CLEC4C: variants seen among roughly 807,000 people sequenced by gnomAD.
CLEC4C encodes the protein C-type lectin domain family 4 member C, also known as C-type (calcium dependent, carbohydrate-recognition domain) lectin, superfamily member 11.
A neutral mutation model predicts 27.7 loss-of-function variants in CLEC4C; 17 were observed. The observed-to-expected ratio is 0.61, with a 90% CI of 0.42 to 0.92. The LOEUF is 0.92. Ranked by LOEUF, CLEC4C falls within the 40% of genes least tolerant of loss-of-function variation. CLEC4C has a pLI of 0.00. For missense variants in CLEC4C, 244 were observed against 257.3 expected (o/e 0.95, Z 0.35); for synonymous variants, 80 against 80.8 (o/e 0.99, Z 0.06).
intron 4 of CLEC4C, among the ~76,000 whole-genome samples, chr12:7,736,736 A>C (rs375460741): frequency 1.4e-4 from 21 of 151,688 alleles, no homozygotes; most frequent in African/African-American, 4.1e-4. Context: ...GTGAAACCCC[A>C]TCTCTACTAA....
intron 4 of CLEC4C, among the ~76,000 whole-genome samples, chr12:7,735,148 C>T (rs1354819017): frequency 6.6e-6 from 1 of 151,568 alleles, no homozygotes; most frequent in East Asian, 2.0e-4. Context: ...TTGCAGTGAG[C>T]CGAGATCACA....
At position 7,729,499 on chromosome 12, in the gene CLEC4C, T is replaced by C; in HGVS notation, c.*97A>G. The C allele has an allele frequency of 8.9e-7, 1 of 1,118,394 alleles. No individual in the cohort carries two copies. Among genetic ancestry groups the C allele is most frequent in the Non-Finnish European group, 1.3e-6 (1 of 772,202 alleles). The allele number at this position is 1,118,394 out of a possible 1,614,324, so 69.3% of individuals were successfully genotyped here. A position where few individuals can be genotyped will look rare whatever the true frequency, so the allele number is the denominator to read the frequency against. ...AGCCTGCTGAAACATTTTAGGGGCA[T>C]TCCTTGTACAAAACTTACACATAAA... On this transcript the variant is annotated 3_prime_UTR_variant, in exon 6 of 6. Coordinates refer to ENST00000360345, the MANE Select transcript of CLEC4C (RefSeq NM_001371390.1).
intron 4 of CLEC4C, among the ~76,000 whole-genome samples, chr12:7,736,262 G>A (rs570160861): frequency 1.5e-4 from 23 of 151,240 alleles, no homozygotes; most frequent in Non-Finnish European, 2.5e-4. Context: ...CAGCCTGGGC[G>A]CCATTGCACT....
At chr12:7,741,970 G>A (rs953900504) in intron 2 of CLEC4C, among the ~76,000 whole-genome samples, 9 of 152,054 alleles carry the variant, frequency 5.9e-5, no homozygotes, top group Non-Finnish European at 1.0e-4. Flanking sequence ...GCAGTGAGCC[G>A]AGACCGCGCC....
upstream of CLEC4C, among the ~76,000 whole-genome samples, chr12:7,748,923 T>G (rs1011747441): frequency 2.6e-5 from 4 of 152,234 alleles, no homozygotes; most frequent in African/African-American, 9.6e-5. Flanking sequence ...GCTTTGAGTA[T>G]GACCAGAGTA....
rs1864544348 is a variant in CLEC4C at position 7,729,648 on chromosome 12, T to C, written c.590A>G (p.His197Arg). 1 of 1,613,938 alleles carries C rather than the reference T, an allele frequency of 6.2e-7. No homozygotes were observed. Among genetic ancestry groups the C allele is most frequent in the Non-Finnish European group, 8.5e-7 (1 of 1,179,790 alleles). Residue 197 changes from histidine to arginine, a missense_variant, in exon 6 of 6, where the codon CAC (histidine) becomes CGC (arginine). His to Arg is a conservative substitution (Grantham distance 29, BLOSUM62 0). Transcript: ENST00000360345. ...SSEEWGWNDI[H>R]CHVPQKSICK... ...AATTGACTTCTGAGGTACATGACAG[T>C]GAATGTCATTCCAGCCCCATTCTTC...
chr12:7,736,375 G>A (rs915113023), intron 4 of CLEC4C, among the ~76,000 whole-genome samples: 5 of 152,050 alleles, frequency 3.3e-5, no homozygotes, highest in African/African-American at 1.2e-4. Context: ...AGTACAAAGA[G>A]AAAAATAGAT....
intron 4 of CLEC4C, 114 bp downstream of exon 4, chr12:7,737,315 T>A: frequency 1.1e-6 from 1 of 945,790 alleles, no homozygotes; most frequent in South Asian, 2.8e-5. Context: ...GGTTTTTTTT[T>A]ACCCAGAAGT....
At chr12:7,735,573 G>A (rs1240169482) in intron 4 of CLEC4C, among the ~76,000 whole-genome samples, 1 of 149,780 alleles carries the variant, frequency 6.7e-6, no homozygotes. Context: ...TTGGGAGACC[G>A]AGGCAGGCAG....
chr12:7,747,460 C>A, upstream of CLEC4C: 1 of 1,042,210 alleles, frequency 9.6e-7, no homozygotes, highest in South Asian at 1.3e-5. Flanking sequence ...ACAAGCCAAG[C>A]CCTTAGATCC....
chr12:7,736,836 G>A (rs1040168883), intron 4 of CLEC4C, among the ~76,000 whole-genome samples: 3 of 152,114 alleles, frequency 2.0e-5, no homozygotes, highest in Non-Finnish European at 2.9e-5. Context: ...CCGGGAGGCT[G>A]AGCTTGCAGT....
Position 7,736,315 on chromosome 12 carries a change from A to T in CLEC4C, c.381+1114T>A, listed in dbSNP as rs146576403. Among the ~76,000 whole-genome samples the T allele has an allele frequency of 4.6e-3, 706 of 152,248 alleles. 4 individuals carry two copies. The highest frequency in any genetic ancestry group is 0.016 in the African/African-American group (669 of 41,554). On this transcript the variant is annotated intron_variant, in intron 4 of 5. Coordinates refer to ENST00000360345, the MANE Select transcript of CLEC4C (RefSeq NM_001371390.1). ...GTGAGACTCTGTCTCAAAAACAAAA[A>T]GAAGATTAGTGAACTGGAATAGAAG...
intron 3 of CLEC4C, among the ~76,000 whole-genome samples, chr12:7,738,361 A>C (rs1864775961): frequency 6.6e-6 from 1 of 152,152 alleles, no homozygotes. Context: ...AAAAATATCC[A>C]TCTCTCCTCC....
Position 7,729,481 on chromosome 12 carries a change from T to TG in CLEC4C, c.*114dup. 1.1e-6 allele frequency: 1 copy of TG among 872,350 alleles called. No individual in the cohort carries two copies. Among genetic ancestry groups the TG allele is most frequent in the Non-Finnish European group, 1.8e-6 (1 of 562,892 alleles). 54.0% of individuals were successfully genotyped at this position (872,350 alleles called of 1,614,324 possible). ...ATAAGTGTAATAGGTGACAGCCTGCTGAAACATTTTAGGGGCATTCCTTGT... is the reference window on the plus strand; with the variant it reads ...ATAAGTGTAATAGGTGACAGCCTGCTGGAAACATTTTAGGGGCATTCCTTGT... On this transcript the variant is annotated 3_prime_UTR_variant, in exon 6 of 6. Coordinates refer to ENST00000360345, the MANE Select transcript of CLEC4C (RefSeq NM_001371390.1).
At chr12:7,741,804 G>C (rs1164739711) in intron 2 of CLEC4C, among the ~76,000 whole-genome samples, 1 of 152,092 alleles carries the variant, frequency 6.6e-6, no homozygotes, top group Non-Finnish European at 1.5e-5. Flanking sequence ...GCCGAGGCTG[G>C]TTGGATCACT....
chr12:7,745,932 G>A (rs796419984), intron 2 of CLEC4C, among the ~76,000 whole-genome samples: 21 of 151,916 alleles, frequency 1.4e-4, no homozygotes, highest in African/African-American at 4.6e-4. Flanking sequence ...AAAGGGGAAC[G>A]TGGCCGGGCG....
chr12:7,733,786 G>C (rs1274017864), intron 4 of CLEC4C, among the ~76,000 whole-genome samples: 1 of 151,436 alleles, frequency 6.6e-6, no homozygotes, highest in Non-Finnish European at 1.5e-5. Flanking sequence ...TGGCCCCCAA[G>C]CTGGTCTTGA....
intron 2 of CLEC4C, among the ~76,000 whole-genome samples, chr12:7,745,502 G>A (rs1188477633): frequency 3.2e-5 from 4 of 123,160 alleles, no homozygotes; most frequent in Admixed American, 1.2e-4. Context: ...GCGTGATCTC[G>A]GCTCACTGCA....
At chr12:7,736,612 A>T (rs1419048752) in intron 4 of CLEC4C, among the ~76,000 whole-genome samples, 1 of 152,042 alleles carries the variant, frequency 6.6e-6, no homozygotes, top group Non-Finnish European at 1.5e-5. Flanking sequence ...AATTTGTTTT[A>T]TTAAAGTTAT....
Sources: allele counts gnomAD v4.1 joint callset (sites outside exome capture counted in the v4.1 genomes callset), GRCh38; gene constraint gnomAD v4.1.1; transcripts MANE v1.5; gene names NCBI Gene and HGNC (gene_info 2026-07-23, HGNC 2026-07-21).